PPP4R3B: variants seen among roughly 807,000 people sequenced by gnomAD.
PPP4R3B encodes the protein protein phosphatase 4 regulatory subunit 3B.
In PPP4R3B, 52 loss-of-function variants were observed where a neutral mutation model predicts 95.4. The ratio of observed to expected loss-of-function variants is 0.54; its 90% CI spans 0.44 to 0.69. PPP4R3B has a LOEUF of 0.69. Among genes scored for constraint, PPP4R3B ranks in the 30% least tolerant of loss-of-function variants. The pLI is 0.00. For missense variants in PPP4R3B, 1,003 were observed against 1,005.9 expected (o/e 1.00, Z 0.04); for synonymous variants, 407 against 343.9 (o/e 1.18, Z -2.03).
In PPP4R3B at chr2:55,549,951, T is replaced by G. The variant is rs777227527; in HGVS notation, c.2510A>C (p.Glu837Ala). The G allele has an allele frequency of 6.2e-7, 1 of 1,613,572 alleles. No homozygotes were observed. ...YPDDEEEDEE[E>A]ESSPRKRPRL... is the part of the protein sequence containing the mutation. The stretch of plus-strand genomic sequence containing the variant: ...AGGTCTTTTCCTGGGGGACGATTCT[T>G]CTTCTTCATCTTCCTCTTCATCATC... The change falls in exon 17 of 17, where the codon GAA becomes GCA. Residue 837 changes from glutamate (E) to alanine (A), a missense_variant. By Grantham distance (107) the Glu-to-Ala change is moderately radical (BLOSUM62 -1). Coordinates refer to ENST00000616407, the MANE Select transcript of PPP4R3B (RefSeq NM_001122964.3).
At chr2:55,597,515 G>C (rs531474518) in intron 4 of PPP4R3B, among the ~76,000 whole-genome samples, 7 of 152,112 alleles carry the variant, frequency 4.6e-5, no homozygotes, top group Admixed American at 6.6e-5. Context: ...CCAGCTACCC[G>C]GGAGGCTGAG....
chr2:55,560,660 C>T (rs1686476887), intron 15 of PPP4R3B, among the ~76,000 whole-genome samples: 1 of 151,684 alleles, frequency 6.6e-6, no homozygotes. Context: ...ACCTATAGTC[C>T]CAGCTACTTG....
chr2:55,604,914 A>G (rs1332697604), intron 2 of PPP4R3B, among the ~76,000 whole-genome samples: 1 of 151,958 alleles, frequency 6.6e-6, no homozygotes, highest in African/African-American at 2.4e-5. Flanking sequence ...ATCACGACTC[A>G]CTGCAGCCTC....
intron 2 of PPP4R3B, among the ~76,000 whole-genome samples, chr2:55,610,722 G>C (rs1435217087): frequency 6.6e-6 from 1 of 152,140 alleles, no homozygotes; most frequent in African/African-American, 2.4e-5. Context: ...GAAGACTGTG[G>C]TAAAACACTG....
intron 15 of PPP4R3B, among the ~76,000 whole-genome samples, chr2:55,561,860 G>C (rs901339948): frequency 6.6e-6 from 1 of 152,194 alleles, no homozygotes; most frequent in Non-Finnish European, 1.5e-5. Context: ...TGTCTCATAT[G>C]AGACTTTGGA....
chr2:55,584,506 C>T (rs1237665047), intron 7 of PPP4R3B, among the ~76,000 whole-genome samples: 1 of 152,116 alleles, frequency 6.6e-6, no homozygotes, highest in Non-Finnish European at 1.5e-5. Context: ...CCTTCCCACC[C>T]TTTCCCCAAG....
Position 55,579,693 on chromosome 2 carries a change from T to C in PPP4R3B, c.1454A>G (p.Asp485Gly), listed in dbSNP as rs1276053123. 6.3e-7 allele frequency: 1 copy of C among 1,592,144 alleles called. No individual in the cohort carries two copies. The highest frequency in any genetic ancestry group is 1.2e-5 in the South Asian group (1 of 86,674). Residue 485 changes from aspartate (D) to glycine (G), a missense_variant, in exon 9 of 17, where the codon GAC (aspartate) becomes GGC (glycine). Transcript: ENST00000616407. ...TAPLLTNTSEDKCEKDFFLKH... is the reference protein window; with the variant it reads ...TAPLLTNTSEGKCEKDFFLKH... ...AGAGACCCTACCCTTTTCACATTTGTCTTCTGAAGTATTGGTCAAAAGTGG... is the reference window on the plus strand; with the variant it reads ...AGAGACCCTACCCTTTTCACATTTGCCTTCTGAAGTATTGGTCAAAAGTGG...
intron 12 of PPP4R3B, among the ~76,000 whole-genome samples, chr2:55,568,749 A>AGT (rs1687612254): frequency 6.6e-6 from 1 of 152,240 alleles, no homozygotes; most frequent in Admixed American, 6.5e-5. Flanking sequence ...GTGGATGCTG[A>AGT]GACAACGCAG....
rs60764774 is a variant in PPP4R3B, at chr2:55,600,426, CAAAAAAAAAAAA to C, written c.298-1399_298-1388del. Among the ~76,000 whole-genome samples the C allele has an allele frequency of 9.3e-3, 207 of 22,204 alleles. 1 individual carries two copies. The highest frequency in any genetic ancestry group is 0.026 in the South Asian group (8 of 302). 14.6% of individuals were successfully genotyped at this position (22,204 alleles called of 152,430 possible). ...GGGCAACGAGAGTGAAACTCTGTCT[CAAAAAAAAAAAA>C]AAAAAAAAAAAAAAAAAAGGCGGGC... is the stretch of plus-strand genomic sequence containing the variant. On this transcript the variant is annotated intron_variant, in intron 3 of 16. Transcript: ENST00000616407.
intron 16 of PPP4R3B, among the ~76,000 whole-genome samples, chr2:55,555,807 G>T (rs1384013391): frequency 6.6e-6 from 1 of 152,102 alleles, no homozygotes; most frequent in Non-Finnish European, 1.5e-5. Flanking sequence ...CTGATATGAA[G>T]AGCTCACCAA....
At chr2:55,560,244 G>C (rs939502427) in intron 15 of PPP4R3B, among the ~76,000 whole-genome samples, 9 of 152,220 alleles carry the variant, frequency 5.9e-5, no homozygotes, top group African/African-American at 2.2e-4. Context: ...ACTTCCTAAA[G>C]ACTTGTTGAC....
chr2:55,603,940 A>T (rs1693026458), intron 3 of PPP4R3B, 38 bp downstream of exon 3: 1 of 1,442,230 alleles, frequency 6.9e-7, no homozygotes, highest in African/African-American at 1.4e-5. Context: ...CCAGAAAAGA[A>T]GCAAACATTA....
chr2:55,611,511 C>T (rs1456817376), intron 2 of PPP4R3B, among the ~76,000 whole-genome samples: 1 of 152,186 alleles, frequency 6.6e-6, no homozygotes, highest in Non-Finnish European at 1.5e-5. Flanking sequence ...GACTTCAGTA[C>T]TATGCACAGT....
At chr2:55,550,091 T>A (rs1409588396) in intron 16 of PPP4R3B, 85 bp from the exon 17 acceptor site, 5 of 856,920 alleles carry the variant, frequency 5.8e-6, no homozygotes, top group African/African-American at 1.8e-5. Flanking sequence ...TGTAAAAATA[T>A]CAGAAATCGT....
chr2:55,599,641 A>C (rs868307765), intron 3 of PPP4R3B, among the ~76,000 whole-genome samples: 30 of 152,308 alleles, frequency 2.0e-4, no homozygotes, highest in African/African-American at 6.7e-4. Context: ...ATAACGTCTC[A>C]GAGACAGCCA....
At chr2:55,585,266 T>C (rs1342874559) in intron 6 of PPP4R3B, 99 bp from the exon 7 acceptor site, 3 of 779,448 alleles carry the variant, frequency 3.8e-6, no homozygotes, top group Non-Finnish European at 4.0e-6. Context: ...TCTCAACTTT[T>C]TGGATTAAGA....
Position 55,577,326 on chromosome 2 carries a change from G to C in PPP4R3B, c.1595C>G (p.Thr532Arg). 6.5e-7 allele frequency: 1 copy of C among 1,547,416 alleles called. No homozygotes were observed. The highest frequency in any genetic ancestry group is 8.7e-7 in the Non-Finnish European group (1 of 1,153,330). ...DNIVGSNKNN[T>R]ICPDNYQTAQ... ...GAATTCATACTTACCGGGACAAATT[G>C]TGTTGTTTTTGTTTGATCCAACTAT... The change falls in exon 11 of 17, where the codon ACA becomes AGA. Residue 532 changes from threonine to arginine, a missense_variant. By Grantham distance (71) the Thr-to-Arg change is moderately conservative. Around this residue, in one of 3 missense-constraint regions of PPP4R3B, gnomAD observed 695 missense variants for 686.2 expected, o/e 1.01. Coordinates refer to ENST00000616407, the MANE Select transcript of PPP4R3B (RefSeq NM_001122964.3).
At chr2:55,567,604 T>C (rs1229876477) in intron 13 of PPP4R3B, among the ~76,000 whole-genome samples, 1 of 152,068 alleles carries the variant, frequency 6.6e-6, no homozygotes, top group Admixed American at 6.6e-5. Flanking sequence ...TTAGTAGAGA[T>C]GGGGTTTCAT....
In PPP4R3B at chr2:55,568,283, C is replaced by T. The variant is rs1029588496; in HGVS notation, c.1846G>A (p.Glu616Lys). The change falls in exon 13 of 17, where the codon GAG becomes AAG. Residue 616 changes from glutamate to lysine, a missense_variant. Physicochemically the swap from Glu to Lys is moderately conservative, Grantham distance 56 (BLOSUM62 1). Around this residue, in one of 3 missense-constraint regions of PPP4R3B, gnomAD observed 79 missense variants for 124.9 expected, o/e 0.63. Coordinates refer to ENST00000616407, the MANE Select transcript of PPP4R3B (RefSeq NM_001122964.3). Reference sequence around the variant, plus strand: ...TCCAGAAGTGCATTTATAACTGGCTCAAAAAGATTTCCCTTGGTGATGTAA... The same window carrying T: ...TCCAGAAGTGCATTTATAACTGGCTTAAAAAGATTTCCCTTGGTGATGTAA... ...NRYITKGNLF[E>K]PVINALLDNG... 6.2e-7 allele frequency: 1 copy of T among 1,610,804 alleles called. No homozygotes were observed. The highest frequency in any genetic ancestry group is 8.5e-7 in the Non-Finnish European group (1 of 1,178,438).
Sources: gnomAD v4.1 joint callset for allele counts (sites outside exome capture counted in the v4.1 genomes callset) on GRCh38, gnomAD v4.1.1 for gene constraint, gnomAD v4.1.1 regional missense constraint, MANE v1.5 for transcripts, NCBI Gene and HGNC (gene_info 2026-07-23, HGNC 2026-07-21) for gene names.